CSMD3: variants seen among roughly 807,000 people sequenced by gnomAD.
CSMD3 encodes CUB and sushi domain-containing protein 3.
A neutral mutation model predicts 435.2 loss-of-function variants in CSMD3; 177 were observed. The ratio of observed to expected loss-of-function variants is 0.41; its 90% CI spans 0.36 to 0.46. The LOEUF (loss-of-function observed/expected upper bound fraction) is 0.46. Among genes scored for constraint, CSMD3 ranks in the 20% least tolerant of loss-of-function variants. The pLI is 0.34. For missense variants in CSMD3, 4,265 were observed against 4,504.6 expected (o/e 0.95, Z 1.52); for synonymous variants, 1,656 against 1,520.5 (o/e 1.09, Z -2.07).
chr8:112,335,275 CCAGG>C (rs1824449360), intron 45 of CSMD3, 50 bp downstream of exon 45: 2 of 1,549,976 alleles, frequency 1.3e-6, no homozygotes, highest in Non-Finnish European at 8.9e-7. Context: ...TCACTTTTTT[CCAGG>C]ACAAATTAAA....
intron 47 of CSMD3, 117 bp from the exon 48 acceptor site, chr8:112,314,734 A>G: frequency 1.3e-6 from 1 of 753,622 alleles, no homozygotes; most frequent in South Asian, 1.5e-5. Flanking sequence ...TGATACGTTG[A>G]ATTATTTGTT....
At chr8:112,595,454 CAGG>C (rs1022998671) in intron 22 of CSMD3, among the ~76,000 whole-genome samples, 1 of 88,388 alleles carries the variant, frequency 1.1e-5, no homozygotes, top group African/African-American at 5.5e-5. Flanking sequence ...GGATATTATC[CAGG>C]AGAACTTCCC....
At chr8:112,956,625 C>A (rs1377153064) in intron 7 of CSMD3, among the ~76,000 whole-genome samples, 2 of 151,890 alleles carry the variant, frequency 1.3e-5, no homozygotes, top group African/African-American at 2.4e-5. Context: ...ATTATCAGAC[C>A]AAAGGAGAAA....
chr8:112,244,467 G>A lies in CSMD3; in HGVS notation c.10329C>T (p.Phe3443=), dbSNP rs138574458. 4.3e-6 allele frequency: 7 copies of A among 1,613,792 alleles called. No homozygotes were observed. Among genetic ancestry groups the A allele is most frequent in the Non-Finnish European group, 5.9e-6 (7 of 1,179,850 alleles). ...CTCTATGTTCTGTTCCACCTGCTAA[G>A]AAGAAGCCAGGCTGACAGGTATAAA... ...TLIYTCQPGF[F]LAGGTEHRVC... is the part of the protein sequence containing the mutation. The change falls in exon 65 of 71, where the codon TTC becomes TTT. Residue 3443 remains phenylalanine, a synonymous_variant. Transcript: ENST00000297405.
intron 10 of CSMD3, among the ~76,000 whole-genome samples, chr8:112,897,664 T>TTC (rs148140086): frequency 6.3e-4 from 85 of 135,090 alleles, no homozygotes; most frequent in South Asian, 1.0e-3. Context: ...AAAATACTAT[T>TTC]TCTCTCTCTC....
At chr8:112,950,855 C>T (rs1030926315) in intron 8 of CSMD3, among the ~76,000 whole-genome samples, 1 of 151,916 alleles carries the variant, frequency 6.6e-6, no homozygotes, top group Non-Finnish European at 1.5e-5. Context: ...ATTCAAAACA[C>T]TTTTCCAAGC....
rs780826667 is a variant in CSMD3 at position 112,517,200 on chromosome 8, G to A, written c.4590C>T (p.Asp1530=). 6.2e-7 allele frequency: 1 copy of A among 1,613,570 alleles called. No individual in the cohort carries two copies. Among genetic ancestry groups the A allele is most frequent in the Admixed American group, 1.7e-5 (1 of 59,866 alleles). Residue 1530 remains aspartate, a synonymous_variant, in exon 28 of 71, where the codon GAC becomes GAT. Transcript: ENST00000297405. ...FSSSVATACR[D]PGVPMNGTRN... is the part of the protein sequence containing the mutation. ...GAGTCCCATTCATGGGGACCCCTGG[G>A]TCACGACACGCAGTGGCAACAGAAC...
At chr8:113,331,729 T>C (rs962803440) in intron 1 of CSMD3, among the ~76,000 whole-genome samples, 5 of 151,738 alleles carry the variant, frequency 3.3e-5, no homozygotes, top group Non-Finnish European at 7.4e-5. Flanking sequence ...AAATTCAACA[T>C]GCTTTTTATA....
intron 49 of CSMD3, 53 bp from the exon 50 acceptor site, chr8:112,311,219 C>T (rs1331081370): frequency 1.4e-5 from 20 of 1,468,006 alleles, no homozygotes; most frequent in Admixed American, 3.4e-5. Flanking sequence ...GAAGTTATTA[C>T]CCAAAGTGAT....
Position 112,525,790 on chromosome 8 carries a change from A to ACACACAT in CSMD3, c.4565-8566_4565-8565insATGTGTG, listed in dbSNP as rs1824854021. Among the ~76,000 whole-genome samples, 40 of 133,038 alleles carry ACACACAT rather than the reference A, an allele frequency of 3.0e-4. No homozygotes were observed. The South Asian group carries it at 8.6e-3, about 29-fold the overall frequency. The allele number at this position is 133,038 out of a possible 152,430, so 87.3% of individuals were successfully genotyped here. On this transcript the variant is annotated intron_variant, in intron 27 of 70. Coordinates refer to ENST00000297405, the MANE Select transcript of CSMD3 (RefSeq NM_198123.2). ...TATATATTTATATGTGTGTGTATAT[A>ACACACAT]TATATGTATATATATATATACACAC... is the stretch of plus-strand genomic sequence containing the variant.
At chr8:113,105,840 A>G (rs986371070) in intron 4 of CSMD3, among the ~76,000 whole-genome samples, 2 of 151,608 alleles carry the variant, frequency 1.3e-5, no homozygotes, top group Non-Finnish European at 2.9e-5. Flanking sequence ...AACTAAATCC[A>G]GACACTAAAT....
chr8:112,661,788 G>A (rs1238243044), intron 17 of CSMD3, among the ~76,000 whole-genome samples: 1 of 151,688 alleles, frequency 6.6e-6, no homozygotes, highest in Non-Finnish European at 1.5e-5. Context: ...GAAGGGGTGA[G>A]GTCTTCATAA....
At chr8:113,163,737 A>T (rs1186068861) in intron 4 of CSMD3, among the ~76,000 whole-genome samples, 1 of 152,064 alleles carries the variant, frequency 6.6e-6, no homozygotes, top group Non-Finnish European at 1.5e-5. Context: ...AAATTTAGAC[A>T]GTTGTGTTAT....
chr8:113,184,775 T>C (rs1206669222), intron 3 of CSMD3, among the ~76,000 whole-genome samples: 6 of 152,142 alleles, frequency 3.9e-5, no homozygotes, highest in African/African-American at 1.4e-4. Flanking sequence ...TCCACAAACC[T>C]ATAGCTTCAC....
intron 40 of CSMD3, among the ~76,000 whole-genome samples, chr8:112,346,812 G>C (rs1478357931): frequency 6.6e-6 from 1 of 150,834 alleles, no homozygotes; most frequent in Non-Finnish European, 1.5e-5. Flanking sequence ...CCGAGTAGCT[G>C]GGACTACAGG....
chr8:113,151,000 A>G (rs1038071684), intron 4 of CSMD3, among the ~76,000 whole-genome samples: 5 of 152,030 alleles, frequency 3.3e-5, no homozygotes, highest in Admixed American at 6.6e-5. Context: ...CAGGGAATTT[A>G]GCACATAAAA....
At chr8:113,433,309 G>A (rs1412528715) in intron 1 of CSMD3, among the ~76,000 whole-genome samples, 6 of 152,056 alleles carry the variant, frequency 3.9e-5, no homozygotes, top group African/African-American at 1.4e-4. Context: ...AAAGACTGTC[G>A]CCTTATGGGC....
intron 22 of CSMD3, among the ~76,000 whole-genome samples, chr8:112,608,466 T>G (rs1832968743): frequency 6.6e-6 from 1 of 152,056 alleles, no homozygotes; most frequent in Non-Finnish European, 1.5e-5. Context: ...TAAAGCCATA[T>G]AGCTAAAGCA....
intron 3 of CSMD3, among the ~76,000 whole-genome samples, chr8:113,228,178 C>T (rs2093048609): frequency 6.6e-6 from 1 of 151,322 alleles, no homozygotes; most frequent in South Asian, 2.1e-4. Flanking sequence ...GAAGGTTTTC[C>T]TGTCTTCTTA....
Sources: allele counts gnomAD v4.1 joint callset (sites outside exome capture counted in the v4.1 genomes callset), GRCh38; gene constraint gnomAD v4.1.1; transcripts MANE v1.5; gene names NCBI Gene and HGNC (gene_info 2026-07-23, HGNC 2026-07-21).